Variants in ALCAM observed in about 807,000 individuals in gnomAD.
ALCAM encodes the protein CD166 antigen.
In ALCAM, 30 loss-of-function variants were observed where a neutral mutation model predicts 70.9. The ratio of observed to expected loss-of-function variants is 0.42; its 90% CI spans 0.32 to 0.57. ALCAM has a LOEUF of 0.57. Among genes scored for constraint, ALCAM ranks in the 20% least tolerant of loss-of-function variants. The probability of loss-of-function intolerance (pLI) is 0.11; values close to 1 mark genes in which losing one functional copy is unlikely to be tolerated. For missense variants in ALCAM, 591 were observed against 695.1 expected, an observed-to-expected ratio of 0.85 and a Z score of 1.68; for synonymous variants, 249 against 242.5, an observed-to-expected ratio of 1.03 and a Z score of -0.25.
At chr3:105,427,624 G>A (rs16844719) in intron 1 of ALCAM, among the ~76,000 whole-genome samples, 24,261 of 151,692 alleles carry the variant, frequency 0.16, 2,202 homozygotes, top group East Asian at 0.37. Flanking sequence ...TAGGACAAGG[G>A]CTCTTAACCC....
chr3:105,502,672 A>G (rs1258510123), intron 1 of ALCAM, among the ~76,000 whole-genome samples: 1 of 152,256 alleles, frequency 6.6e-6, no homozygotes, highest in African/African-American at 2.4e-5. Flanking sequence ...TGAAAGAGGT[A>G]TTTGAAAGAC....
intron 14 of ALCAM, among the ~76,000 whole-genome samples, chr3:105,565,536 T>C (rs1052100469): frequency 6.6e-6 from 1 of 152,224 alleles, no homozygotes; most frequent in African/African-American, 2.4e-5. Flanking sequence ...TAAATTCTTA[T>C]AAACTTCTGT....
intron 1 of ALCAM, among the ~76,000 whole-genome samples, chr3:105,489,511 C>T (rs777869785): frequency 2.8e-4 from 42 of 152,234 alleles, no homozygotes; most frequent in Non-Finnish European, 4.3e-4. Flanking sequence ...GTTATGATCA[C>T]ATATCATCAA....
At chr3:105,545,398 A>C (rs1407956774) in intron 9 of ALCAM, 63 bp downstream of exon 9, 1 of 1,165,086 alleles carries the variant, frequency 8.6e-7, no homozygotes, top group African/African-American at 1.5e-5. Context: ...TTTCTTATGC[A>C]CTTTATATTG....
chr3:105,525,057 A>G, intron 3 of ALCAM: 1 of 877,022 alleles, frequency 1.1e-6, no homozygotes, highest in Non-Finnish European at 1.4e-6. Context: ...TATATTATAT[A>G]TATTAGAGAT....
At chr3:105,506,835 G>A (rs1411465201) in intron 1 of ALCAM, among the ~76,000 whole-genome samples, 2 of 152,192 alleles carry the variant, frequency 1.3e-5, no homozygotes, top group African/African-American at 2.4e-5. Context: ...TCATAAAACA[G>A]CAATTGCTAA....
chr3:105,525,126 T>C, intron 3 of ALCAM: 1 of 981,712 alleles, frequency 1.0e-6, no homozygotes, highest in Non-Finnish European at 1.2e-6. Flanking sequence ...TTTCAAAAAG[T>C]ATTCACTTGC....
chr3:105,386,849 A>G (rs1365386570), intron 1 of ALCAM, among the ~76,000 whole-genome samples: 4 of 151,480 alleles, frequency 2.6e-5, no homozygotes, highest in Non-Finnish European at 5.9e-5. Context: ...TCTTTTTCCA[A>G]GTATATTCCC....
At chr3:105,504,092 C>T (rs1004669730) in intron 1 of ALCAM, among the ~76,000 whole-genome samples, 3 of 152,168 alleles carry the variant, frequency 2.0e-5, no homozygotes, top group African/African-American at 2.4e-5. Flanking sequence ...TTCATGATAA[C>T]ACTATGAGCA....
At chr3:105,459,575 C>A (rs1576177515) in intron 1 of ALCAM, among the ~76,000 whole-genome samples, 1 of 152,046 alleles carries the variant, frequency 6.6e-6, no homozygotes, top group East Asian at 1.9e-4. Flanking sequence ...TGTTTATTTG[C>A]AAAATTGCCT....
At chr3:105,399,196 G>T (rs549379144) in intron 1 of ALCAM, among the ~76,000 whole-genome samples, 1 of 152,066 alleles carries the variant, frequency 6.6e-6, no homozygotes, top group African/African-American at 2.4e-5. Flanking sequence ...TTCAGATATA[G>T]TTCAGACACT....
At chr3:105,377,914 G>T (rs1373459998) in intron 1 of ALCAM, among the ~76,000 whole-genome samples, 1 of 151,856 alleles carries the variant, frequency 6.6e-6, no homozygotes, top group African/African-American at 2.4e-5. Context: ...TACATTTTAT[G>T]GGTGGTCTGA....
chr3:105,527,045 T>G (rs1202705710), intron 3 of ALCAM, among the ~76,000 whole-genome samples: 1 of 152,192 alleles, frequency 6.6e-6, no homozygotes, highest in Non-Finnish European at 1.5e-5. Flanking sequence ...TGTTTAATTT[T>G]AAGCTATTCC....
chr3:105,466,437 A>C (rs957444825), intron 1 of ALCAM, among the ~76,000 whole-genome samples: 1 of 151,518 alleles, frequency 6.6e-6, no homozygotes, highest in African/African-American at 2.4e-5. Flanking sequence ...TTAAAGCTGC[A>C]TATGTTCAGA....
At chr3:105,466,026 T>G (rs927066141) in intron 1 of ALCAM, among the ~76,000 whole-genome samples, 1 of 151,536 alleles carries the variant, frequency 6.6e-6, no homozygotes, top group African/African-American at 2.4e-5. Context: ...GCATTCATCT[T>G]TTATTGAAAG....
chr3:105,448,424 T>C (rs1426008828), intron 1 of ALCAM, among the ~76,000 whole-genome samples: 1 of 150,892 alleles, frequency 6.6e-6, no homozygotes, highest in East Asian at 1.9e-4. Flanking sequence ...AACACTCCAG[T>C]AATCTTTCGA....
chr3:105,485,181 G>T (rs1402310144), intron 1 of ALCAM, among the ~76,000 whole-genome samples: 1 of 152,046 alleles, frequency 6.6e-6, no homozygotes, highest in Non-Finnish European at 1.5e-5. Flanking sequence ...AATGCATCAT[G>T]AAAAGATGCT....
At chr3:105,437,033 A>G (rs1937065298) in intron 1 of ALCAM, among the ~76,000 whole-genome samples, 1 of 152,252 alleles carries the variant, frequency 6.6e-6, no homozygotes, top group Non-Finnish European at 1.5e-5. Flanking sequence ...ACAGATGTGA[A>G]CAAAACAGAC....
At chr3:105,534,974 C>A in intron 6 of ALCAM, 129 bp downstream of exon 6, 2 of 810,210 alleles carry the variant, frequency 2.5e-6, no homozygotes, top group Non-Finnish European at 1.9e-6. Context: ...AAATTGATGG[C>A]ACCCAAATAA....
Sources: allele counts gnomAD v4.1 joint callset (sites outside exome capture counted in the v4.1 genomes callset), GRCh38; gene constraint gnomAD v4.1.1; transcripts MANE v1.5; gene names NCBI Gene and HGNC (gene_info 2026-07-23, HGNC 2026-07-21).